HTT: variants seen among roughly 807,000 people sequenced by gnomAD.
HTT encodes the protein huntington disease protein.
A neutral mutation model predicts 362.3 loss-of-function variants in HTT; 104 were observed. That is an observed-to-expected ratio of 0.29 (90% CI 0.24 to 0.34). HTT has a LOEUF of 0.34. HTT is among the 10% of genes least tolerant of loss of function. HTT has a pLI of 1.00. For missense variants in HTT, 3,301 were observed against 3,928.6 expected (o/e 0.84, Z 4.27); for synonymous variants, 1,577 against 1,548.7 (o/e 1.02, Z -0.43).
chr4:3,182,768 C>T (rs533503299), intron 37 of HTT, among the ~76,000 whole-genome samples: 130 of 152,272 alleles, frequency 8.5e-4, no homozygotes, highest in African/African-American at 2.8e-3. Flanking sequence ...CTCTAAAGCC[C>T]GAACCCTTAC....
Position 3,206,686 on chromosome 4 carries a change from A to G in HTT, c.5898+11A>G, listed in dbSNP as rs1410532193. On this transcript the variant is annotated intron_variant, in intron 43 of 66. Coordinates refer to ENST00000355072, the MANE Select transcript of HTT (RefSeq NM_001388492.1). The surrounding 1 kb of genome is among the most constrained non-coding windows in gnomAD (Gnocchi z 4.6). ...GAAAACCTTTCAACTGTACGTCTTCATCCTGCCGACTATTGCCAGTTGCAG... is the reference window on the plus strand; with the variant it reads ...GAAAACCTTTCAACTGTACGTCTTCGTCCTGCCGACTATTGCCAGTTGCAG... The G allele has an allele frequency of 2.5e-6, 4 of 1,608,498 alleles. No homozygotes were observed. The highest frequency in any genetic ancestry group is 3.3e-5 in the Admixed American group (2 of 59,876).
chr4:3,108,333 G>A (rs1478903204), intron 6 of HTT, among the ~76,000 whole-genome samples: 2 of 152,176 alleles, frequency 1.3e-5, no homozygotes, highest in African/African-American at 4.8e-5. Context: ...ACTAGTCATG[G>A]GGTTTTGGAA....
At chr4:3,157,761 A>AT (rs943244085) in intron 28 of HTT, among the ~76,000 whole-genome samples, 27 of 146,710 alleles carry the variant, frequency 1.8e-4, no homozygotes, top group South Asian at 6.4e-4. Context: ...TTTTTAGTTC[A>AT]TTTTTTTTTT....
intron 51 of HTT, among the ~76,000 whole-genome samples, chr4:3,216,332 C>G (rs1184133621): frequency 6.6e-6 from 1 of 152,168 alleles, no homozygotes; most frequent in East Asian, 1.9e-4. Context: ...TTGTTGCTAC[C>G]TAAGGAATAT....
In HTT at chr4:3,178,465, C is replaced by T; in HGVS notation, c.4612+19C>T. 6.2e-7 allele frequency: 1 copy of T among 1,610,774 alleles called. No homozygotes were observed. The highest frequency in any genetic ancestry group is 8.5e-7 in the Non-Finnish European group (1 of 1,178,356). ...ACACATGGTAACGGGACACACCTTT[C>T]ACTGTCGTCTTCGGTGTCGTGATGT... On this transcript the variant is annotated intron_variant, in intron 35 of 66. Transcript: ENST00000355072.
At chr4:3,182,499 T>A in intron 37 of HTT, 29 bp downstream of exon 37, 1 of 1,400,818 alleles carries the variant, frequency 7.1e-7, no homozygotes, top group South Asian at 1.2e-5. Context: ...GGCTTGTTGT[T>A]GCATAGTGAT....
intron 40 of HTT, among the ~76,000 whole-genome samples, chr4:3,194,471 A>G (rs1289206275): frequency 2.6e-5 from 4 of 152,228 alleles, no homozygotes; most frequent in South Asian, 2.1e-4. Context: ...TGGAAACATC[A>G]GCTTTGTTTG....
At chr4:3,178,896 A>C (rs1052707991) in intron 35 of HTT, among the ~76,000 whole-genome samples, 1 of 152,230 alleles carries the variant, frequency 6.6e-6, no homozygotes, top group Non-Finnish European at 1.5e-5. Context: ...GTTTTGCCTG[A>C]TGATTTTGCT....
chr4:3,142,087 G>A (rs1716375171), intron 22 of HTT, among the ~76,000 whole-genome samples: 2 of 152,308 alleles, frequency 1.3e-5, no homozygotes, highest in Admixed American at 1.3e-4. Context: ...AACTTCAGCA[G>A]GCCTCTTGAC....
intron 3 of HTT, among the ~76,000 whole-genome samples, chr4:3,103,318 G>A (rs1412284101): frequency 2.1e-5 from 3 of 141,566 alleles, no homozygotes; most frequent in African/African-American, 5.4e-5. Context: ...TCCGCCTCCC[G>A]GGTTCAAACT....
intron 26 of HTT, among the ~76,000 whole-genome samples, chr4:3,150,907 C>T (rs1004851564): frequency 2.1e-4 from 32 of 152,244 alleles, no homozygotes; most frequent in Middle Eastern, 3.4e-3. Context: ...GGTGTGGTGG[C>T]GGGCGCCCAT....
intron 50 of HTT, 33 bp from the exon 51 acceptor site, chr4:3,215,077 G>C (rs1271816745): frequency 6.5e-7 from 1 of 1,538,422 alleles, no homozygotes; most frequent in East Asian, 2.2e-5. Flanking sequence ...GAAGTGTGTA[G>C]AAATTCTTCT....
At chr4:3,166,522 A>G (rs1445846358) in intron 29 of HTT, among the ~76,000 whole-genome samples, 1 of 152,224 alleles carries the variant, frequency 6.6e-6, no homozygotes, top group Non-Finnish European at 1.5e-5. Flanking sequence ...CCCTTCCCCC[A>G]GAGGTGGAAT....
At position 3,208,880 on chromosome 4, in the gene HTT, A is replaced by G. The variant is rs769037290; in HGVS notation, c.6260A>G (p.His2087Arg). The G allele has an allele frequency of 1.9e-6, 3 of 1,613,658 alleles. No homozygotes were observed. The South Asian group carries it at 3.3e-5, about 18-fold the overall frequency. ...TCCCACCCGCTGGACGGGGATGGGC[A>G]CGTGTCACTGGAAACAGTGAGTCCG... ...VSSHPLDGDG[H>R]VSLETVSPDK... Residue 2087 changes from histidine (H) to arginine (R), a missense_variant, in exon 46 of 67, where the codon CAC becomes CGC. This residue lies in a region of HTT where 2,316 missense variants were observed against 2,658.5 expected (regional missense o/e 0.87). Transcript: ENST00000355072.
At chr4:3,154,249 A>G in intron 26 of HTT, 44 bp from the exon 27 acceptor site, 4 of 1,443,246 alleles carry the variant, frequency 2.8e-6, no homozygotes, top group Non-Finnish European at 2.8e-6. Context: ...CTTCCATCAC[A>G]TGTTTTTGTT....
chr4:3,136,924 T>A (rs995355269), intron 21 of HTT, among the ~76,000 whole-genome samples: 9 of 151,978 alleles, frequency 5.9e-5, no homozygotes, highest in African/African-American at 2.2e-4. Flanking sequence ...TGAATTTTTT[T>A]TTTTATTTTT....
chr4:3,202,530 C>T (rs1409663011), intron 41 of HTT, among the ~76,000 whole-genome samples: 2 of 152,136 alleles, frequency 1.3e-5, no homozygotes, highest in Admixed American at 6.5e-5. Flanking sequence ...ATTTACAATA[C>T]AGTAAAATGT....
Position 3,233,346 on chromosome 4 carries a change from A to G in HTT, c.8449A>G (p.Ile2817Val). Residue 2817 changes from isoleucine (I) to valine (V), a missense_variant, in exon 61 of 67, where the codon ATC becomes GTC. Around this residue, in one of 4 missense-constraint regions of HTT, gnomAD observed 753 missense variants for 1,021.3 expected, o/e 0.74. Coordinates refer to ENST00000355072, the MANE Select transcript of HTT (RefSeq NM_001388492.1). Reference protein sequence around the residue: ...SDYLLSNLKGIAHCVNIHSQQ... With the variant: ...SDYLLSNLKGVAHCVNIHSQQ... ...CTATCTCCTCTCCAACCTGAAAGGGATCGCCCAGTGAGTGGGAGCCTGGCT... is the reference window on the plus strand; with the variant it reads ...CTATCTCCTCTCCAACCTGAAAGGGGTCGCCCAGTGAGTGGGAGCCTGGCT... 1.3e-6 allele frequency: 2 copies of G among 1,596,874 alleles called. No individual in the cohort carries two copies. Among genetic ancestry groups the G allele is most frequent in the Non-Finnish European group, 1.7e-6 (2 of 1,166,522 alleles).
chr4:3,132,744 G>GT (rs775394156), intron 17 of HTT, 24 bp downstream of exon 17: 2 of 1,613,776 alleles, frequency 1.2e-6, no homozygotes, highest in African/African-American at 1.3e-5. Flanking sequence ...TTTCAGCTGT[G>GT]TTTTTTCTAG....
Sources: gnomAD v4.1 joint callset for allele counts (sites outside exome capture counted in the v4.1 genomes callset) on GRCh38, gnomAD v4.1.1 for gene constraint, gnomAD v4.1.1 regional missense constraint, Gnocchi (gnomAD v3.1) non-coding constraint, MANE v1.5 for transcripts, NCBI Gene and HGNC (gene_info 2026-07-23, HGNC 2026-07-21) for gene names.